The following DEAF1 variants were observed in gnomAD, a reference collection of about 807,000 sequenced individuals.
The protein encoded by DEAF1 is deformed epidermal autoregulatory factor 1 homolog.
DEAF1 carries 53 observed loss-of-function variants against 58.9 expected under a neutral mutation model. The ratio of observed to expected loss-of-function variants is 0.90; its 90% confidence interval spans 0.72 to 1.13. DEAF1 has a LOEUF of 1.13. Ranked by LOEUF, DEAF1 falls within the 50% of genes most tolerant of loss-of-function variation. DEAF1 has a pLI of 0.00. For missense variants in DEAF1, 685 were observed against 791.4 expected (o/e 0.87, Z 1.61); for synonymous variants, 385 against 340.4 (o/e 1.13, Z -1.44).
chr11:662,605 T>C (rs536486008), intron 10 of DEAF1, among the ~76,000 whole-genome samples: 2 of 152,314 alleles, frequency 1.3e-5, no homozygotes, highest in East Asian at 3.9e-4. Context: ...GGACACAGGT[T>C]GAGGCCCCTC....
At chr11:674,264 G>A (rs1859958535) in intron 10 of DEAF1, 4 of 469,758 alleles carry the variant, frequency 8.5e-6, no homozygotes, top group African/African-American at 2.0e-5. Context: ...GAAAAGGTGA[G>A]TATTCACAAC....
At chr11:704,918 G>C (rs1861650601) in intron 1 of DEAF1, 1 of 349,960 alleles carries the variant, frequency 2.9e-6, no homozygotes, top group African/African-American at 2.1e-5. Context: ...GGGCACGGGT[G>C]CACCGAGGGG....
chr11:654,909 G>A (rs756785555), intron 10 of DEAF1, among the ~76,000 whole-genome samples: 1 of 150,900 alleles, frequency 6.6e-6, no homozygotes, highest in Non-Finnish European at 1.5e-5. Flanking sequence ...AGTGGCTCAT[G>A]CCTGTAATCC....
upstream of DEAF1, chr11:695,933 T>G: frequency 9.6e-7 from 1 of 1,041,384 alleles, no homozygotes; most frequent in Non-Finnish European, 1.2e-6. Context: ...CCGCTTTCGG[T>G]GCGCTCACGG....
chr11:696,027 G>A (rs1374813539), upstream of DEAF1, among the ~76,000 whole-genome samples: 4 of 152,072 alleles, frequency 2.6e-5, no homozygotes, highest in African/African-American at 9.7e-5. Context: ...GGTGGCGGGC[G>A]TCCTGCACCC....
At position 688,138 on chromosome 11, in the gene DEAF1, C is replaced by T. The variant is rs1462237671; in HGVS notation, c.518-81G>A. On this transcript the variant is annotated intron_variant, in intron 3 of 11. Coordinates refer to ENST00000382409, the MANE Select transcript of DEAF1 (RefSeq NM_021008.4). This position sits in a 1 kb window ranked among gnomAD's most constrained non-coding sequence, Gnocchi z 4.3. ...ACTCTCATCTCAGACACCACCTCCCCGGCAGCGCCACCTCCTTCAACGGCG... is the reference window on the plus strand; with the variant it reads ...ACTCTCATCTCAGACACCACCTCCCTGGCAGCGCCACCTCCTTCAACGGCG... 17 of 1,591,614 alleles carry T rather than the reference C, an allele frequency of 1.1e-5. No individual in the cohort carries two copies. Among genetic ancestry groups the T allele is most frequent in the East Asian group, 4.5e-5 (2 of 44,606 alleles).
intron 5 of DEAF1, among the ~76,000 whole-genome samples, chr11:685,735 G>C (rs1479003006): frequency 6.6e-6 from 1 of 152,108 alleles, no homozygotes; most frequent in Non-Finnish European, 1.5e-5. Context: ...TAATGCCCAG[G>C]CCAGGTGTGG....
At position 663,243 on chromosome 11, in the gene DEAF1, T is replaced by C. The variant is rs144891065; in HGVS notation, c.1504-9192A>G. On this transcript the variant is annotated intron_variant, in intron 10 of 11. Transcript: ENST00000382409. ...GGGTGGATCACCTGAACGCAGGAGT[T>C]CAAAACCAGCCTGGCTAATAACGGC... Among the ~76,000 whole-genome samples the C allele has an allele frequency of 9.1e-3, 1,385 of 152,286 alleles. 15 individuals carry two copies. The highest frequency in any genetic ancestry group is 0.014 in the Non-Finnish European group (965 of 68,022).
chr11:679,230 G>A (rs1187576419), intron 8 of DEAF1, among the ~76,000 whole-genome samples: 2 of 151,786 alleles, frequency 1.3e-5, no homozygotes, highest in South Asian at 2.1e-4. Context: ...CAGGAGAACG[G>A]TGTGAACCCG....
intron 6 of DEAF1, among the ~76,000 whole-genome samples, chr11:682,325 G>A (rs185308946): frequency 2.0e-5 from 3 of 152,326 alleles, no homozygotes; most frequent in East Asian, 3.9e-4. Flanking sequence ...TGAGAGGTTC[G>A]ATCTTGAAGG....
At position 700,313 on chromosome 11, in the gene DEAF1, G is replaced by T. The variant is rs554958393; in HGVS notation, c.-438+6259C>A. 1.1e-5 allele frequency: 15 copies of T among 1,340,630 alleles called. No individual in the cohort carries two copies. In the East Asian group the frequency reaches 3.0e-4, roughly 27 times the overall value. 83.0% of individuals were successfully genotyped at this position (1,340,630 alleles called of 1,614,324 possible). ...AGGCTGAGGTGGGCGGATCACTTGA[G>T]GTCAGGAGTTTGAGACCAGCCAGGC... is the stretch of plus-strand genomic sequence containing the variant. On this transcript the variant is annotated intron_variant, in intron 1 of 11. Coordinates refer to the DEAF1 transcript ENST00000683307.
chr11:657,976 G>A (rs930531000), intron 10 of DEAF1, among the ~76,000 whole-genome samples: 1 of 152,188 alleles, frequency 6.6e-6, no homozygotes, highest in South Asian at 2.1e-4. Context: ...GGAGTTCACA[G>A]GGACACCCAG....
chr11:667,261 T>C (rs1859581689), intron 10 of DEAF1, among the ~76,000 whole-genome samples: 1 of 151,558 alleles, frequency 6.6e-6, no homozygotes, highest in Non-Finnish European at 1.5e-5. Flanking sequence ...CAAGGCTGCA[T>C]TGAGATGTGA....
At chr11:699,388 A>G (rs938569459), upstream of DEAF1, 1 of 159,616 alleles carries the variant, frequency 6.3e-6, no homozygotes, top group African/African-American at 2.5e-5. Context: ...GGAAATGTAC[A>G]CAGCTCAGGA....
At chr11:674,463 G>C in intron 10 of DEAF1, 73 bp downstream of exon 10, 4 of 1,607,946 alleles carry the variant, frequency 2.5e-6, no homozygotes, top group Non-Finnish European at 3.4e-6. Context: ...GGCTTGCGCA[G>C]CTGGGCACAG....
chr11:656,030 C>T (rs1859038261), intron 10 of DEAF1, among the ~76,000 whole-genome samples: 1 of 152,022 alleles, frequency 6.6e-6, no homozygotes, highest in African/African-American at 2.4e-5. Flanking sequence ...GATGGGGTTT[C>T]ACCATATTGG....
At chr11:682,171 G>A (rs148139504) in intron 6 of DEAF1, among the ~76,000 whole-genome samples, 12 of 152,270 alleles carry the variant, frequency 7.9e-5, no homozygotes, top group African/African-American at 2.4e-4. Context: ...TTTGGCTGTC[G>A]CTCTTCCTGA....
upstream of DEAF1, chr11:699,026 A>C (rs1861326308): frequency 1.0e-6 from 1 of 991,464 alleles, no homozygotes; most frequent in African/African-American, 1.6e-5. Flanking sequence ...GTTCCTTGAC[A>C]GATTTAGAGA....
At chr11:703,377 CA>C (rs753431711) in intron 1 of DEAF1, 87 of 1,379,828 alleles carry the variant, frequency 6.3e-5, no homozygotes, top group Non-Finnish European at 7.6e-5. Flanking sequence ...GGGTAGGGAC[CA>C]GACAGAACTG....
Sources: allele counts gnomAD v4.1 joint callset (sites outside exome capture counted in the v4.1 genomes callset), GRCh38; gene constraint gnomAD v4.1.1; non-coding constraint Gnocchi (gnomAD v3.1); transcripts MANE v1.5; gene names NCBI Gene and HGNC (gene_info 2026-07-23, HGNC 2026-07-21).